THRAP3: variants seen among roughly 807,000 people sequenced by gnomAD.
THRAP3 encodes the protein thyroid hormone receptor-associated protein 3.
THRAP3 carries 16 observed loss-of-function variants against 101.0 expected under a neutral mutation model. The observed-to-expected ratio is 0.16, with a 90% CI of 0.11 to 0.24. THRAP3 has a LOEUF of 0.24. Among genes scored for constraint, THRAP3 ranks in the 10% least tolerant of loss-of-function variants. The pLI is 1.00. For synonymous variants in THRAP3, 407 were observed against 422.6 expected (o/e 0.96, Z 0.45); for missense variants, 989 against 1,202.7 (o/e 0.82, Z 2.63).
At chr1:36,295,935 C>T (rs1436842225) in intron 8 of THRAP3, among the ~76,000 whole-genome samples, 2 of 125,112 alleles carry the variant, frequency 1.6e-5, no homozygotes, top group Non-Finnish European at 3.2e-5. Flanking sequence ...TTTTCCAGAG[C>T]TAATTTTAGC....
intron 1 of THRAP3, among the ~76,000 whole-genome samples, chr1:36,252,943 T>C (rs1421618914): frequency 1.8e-5 from 2 of 113,344 alleles, no homozygotes; most frequent in African/African-American, 6.5e-5. Context: ...TATATATATA[T>C]ATATATATAT....
At chr1:36,211,625 G>T in the THRAP3 span, among the ~76,000 whole-genome samples, 1 of 152,184 alleles carries the variant, frequency 6.6e-6, no homozygotes, top group Non-Finnish European at 1.5e-5. Flanking sequence ...ATTCCTGAGG[G>T]TGGATACCCA....
chr1:36,304,829 T>C lies in THRAP3; in HGVS notation c.*812T>C, dbSNP rs1293364640. On this transcript the variant is annotated 3_prime_UTR_variant, in exon 12 of 12. Transcript: ENST00000354618. ...ATCCTCCCAGCAACGGGGTGGAAACTGGAGGGCAGTGTCTGGTCTGTTTTC... is the reference window on the plus strand; with the variant it reads ...ATCCTCCCAGCAACGGGGTGGAAACCGGAGGGCAGTGTCTGGTCTGTTTTC... The C allele has an allele frequency of 3.9e-5, 8 of 207,462 alleles. No homozygotes were observed. Among genetic ancestry groups the C allele is most frequent in the African/African-American group, 1.6e-4 (7 of 43,902 alleles). The allele number at this position is 207,462 out of a possible 1,614,324, so 12.9% of individuals were successfully genotyped here.
rs1557457826 is a variant in THRAP3, at chr1:36,296,847, C to A, written c.2303+77C>A. 5.7e-6 allele frequency: 7 copies of A among 1,225,786 alleles called. No individual in the cohort carries two copies. In the East Asian group the frequency reaches 1.0e-4, roughly 18 times the overall value. 75.9% of individuals were successfully genotyped at this position (1,225,786 alleles called of 1,614,324 possible). ...CCTTTGGGCTATACACCAGAACTTT[C>A]AAATCAGAGGAGTTTAGGGTTAGTA... On this transcript the variant is annotated intron_variant, in intron 9 of 11. Coordinates refer to ENST00000354618, the MANE Select transcript of THRAP3 (RefSeq NM_005119.4).
the THRAP3 span, among the ~76,000 whole-genome samples, chr1:36,210,929 T>C: frequency 2.0e-5 from 3 of 149,470 alleles, no homozygotes; most frequent in Non-Finnish European, 4.4e-5. Flanking sequence ...CATCTTGAGA[T>C]GGGCCAGGTG....
upstream of THRAP3, among the ~76,000 whole-genome samples, chr1:36,221,142 G>A (rs1165192566): frequency 6.8e-6 from 1 of 147,658 alleles, no homozygotes; most frequent in Non-Finnish European, 1.5e-5. Context: ...CACATATTGT[G>A]GGCCACTGCA....
intron 1 of THRAP3, among the ~76,000 whole-genome samples, chr1:36,235,438 A>G (rs1161525991): frequency 6.6e-6 from 1 of 152,200 alleles, no homozygotes; most frequent in Non-Finnish European, 1.5e-5. Flanking sequence ...GCAATATTTT[A>G]AGATAGTGAA....
intron 9 of THRAP3, among the ~76,000 whole-genome samples, chr1:36,300,528 T>C (rs1255169357): frequency 6.6e-6 from 1 of 152,234 alleles, no homozygotes; most frequent in Admixed American, 6.5e-5. Context: ...TCTGGCCCAG[T>C]ACCAGATACT....
chr1:36,269,529 T>C (rs546462541), intron 2 of THRAP3, among the ~76,000 whole-genome samples: 1 of 152,272 alleles, frequency 6.6e-6, no homozygotes, highest in East Asian at 1.9e-4. Context: ...TTAGATGTGT[T>C]TGAGTTTGAG....
At chr1:36,230,359 C>T (rs957723878) in intron 1 of THRAP3, among the ~76,000 whole-genome samples, 3 of 152,006 alleles carry the variant, frequency 2.0e-5, no homozygotes, top group Non-Finnish European at 4.4e-5. Context: ...CTCAGGTGAT[C>T]CGCCCGCTTC....
At chr1:36,213,996 AG>A in the THRAP3 span, among the ~76,000 whole-genome samples, 4,713 of 58,272 alleles carry the variant, frequency 0.081, 224 homozygotes, top group African/African-American at 0.094. Flanking sequence ...AAAGAAAGAA[AG>A]GAAAGAAAGA....
chr1:36,294,750 T>C (rs1645923456), intron 8 of THRAP3, among the ~76,000 whole-genome samples: 2 of 152,182 alleles, frequency 1.3e-5, no homozygotes, highest in Admixed American at 6.5e-5. Context: ...GTACTAGCCA[T>C]GTAAAACCCA....
At chr1:36,259,937 A>G (rs750113917) in intron 2 of THRAP3, among the ~76,000 whole-genome samples, 7 of 152,116 alleles carry the variant, frequency 4.6e-5, no homozygotes, top group Non-Finnish European at 8.8e-5. Flanking sequence ...ACTTGGATAT[A>G]TACTTGTTTT....
At chr1:36,237,950 T>C (rs561909288) in intron 1 of THRAP3, among the ~76,000 whole-genome samples, 1 of 152,194 alleles carries the variant, frequency 6.6e-6, no homozygotes, top group South Asian at 2.1e-4. Context: ...GACTCCTGAG[T>C]AACTGGGACT....
the THRAP3 span, among the ~76,000 whole-genome samples, chr1:36,218,072 G>T: frequency 6.6e-6 from 1 of 152,124 alleles, no homozygotes; most frequent in African/African-American, 2.4e-5. Flanking sequence ...AAAAGTTCTT[G>T]AAGGAAATTA....
chr1:36,267,417 A>C (rs1371697359), intron 2 of THRAP3, among the ~76,000 whole-genome samples: 1 of 152,182 alleles, frequency 6.6e-6, no homozygotes, highest in Non-Finnish European at 1.5e-5. Flanking sequence ...TACTGATGAA[A>C]AAATAGAGGT....
At chr1:36,215,431 G>A in the THRAP3 span, among the ~76,000 whole-genome samples, 2 of 152,034 alleles carry the variant, frequency 1.3e-5, no homozygotes, top group African/African-American at 4.8e-5. Flanking sequence ...AGGCCACAGC[G>A]CTTTTCCCTG....
chr1:36,255,632 G>A (rs1176742872), intron 1 of THRAP3, among the ~76,000 whole-genome samples: 2 of 151,720 alleles, frequency 1.3e-5, no homozygotes, highest in African/African-American at 4.9e-5. Context: ...AAATAGCTGG[G>A]TGTGGTTGTG....
Position 36,252,958 on chromosome 1 carries a change from ATATATATATAT to A in THRAP3, c.-134-6423_-134-6413del, listed in dbSNP as rs1557819435. On this transcript the variant is annotated intron_variant, in intron 1 of 11. Transcript: ENST00000354618. The stretch of plus-strand genomic sequence containing the variant: ...TATATATATATATATATATATATAT[ATATATATATAT>A]AAATGTAAATAATGAGTATAATTTT... 2.2e-3 allele frequency among the ~76,000 whole-genome samples: 309 copies of A among 140,956 alleles called. 2 individuals carry two copies. The highest frequency in any genetic ancestry group is 7.8e-3 in the African/African-American group (298 of 38,292). 92.5% of individuals were successfully genotyped at this position (140,956 alleles called of 152,430 possible). A position where few individuals can be genotyped will look rare whatever the true frequency, so the allele number is the denominator to read the frequency against.
Sources: gnomAD v4.1 joint callset for allele counts (sites outside exome capture counted in the v4.1 genomes callset) on GRCh38, gnomAD v4.1.1 for gene constraint, MANE v1.5 for transcripts, NCBI Gene and HGNC (gene_info 2026-07-23, HGNC 2026-07-21) for gene names.